The following TMEM273 variants were observed in gnomAD, a reference collection of about 807,000 sequenced individuals.
TMEM273 encodes the protein transmembrane protein 273.
Under a neutral mutation model 17.9 loss-of-function variants are expected in TMEM273, and 19 were observed. The observed-to-expected ratio is 1.06, with a 90% CI of 0.74 to 1.55. The LOEUF (loss-of-function observed/expected upper bound fraction) is 1.55, where lower values mean the gene tolerates loss of function less well. TMEM273 is among the 40% of genes most tolerant of loss of function. TMEM273 has a pLI of 0.00. For synonymous variants in TMEM273, 66 were observed against 62.0 expected (o/e 1.07, Z -0.31); for missense variants, 194 against 155.6 (o/e 1.25, Z -1.31).
At chr10:49,157,120 G>A (rs572040012) in intron 6 of TMEM273, among the ~76,000 whole-genome samples, 97 of 152,344 alleles carry the variant, frequency 6.4e-4, no homozygotes, top group African/African-American at 2.3e-3. Flanking sequence ...AGCCAGGTTT[G>A]CACTTGAGAT....
chr10:49,157,573 G>A (rs1472944049), intron 6 of TMEM273, among the ~76,000 whole-genome samples: 1 of 152,160 alleles, frequency 6.6e-6, no homozygotes, highest in Admixed American at 6.5e-5. Flanking sequence ...TAGCCCCAGG[G>A]TTCATCTGGT....
At chr10:49,165,872 T>C in intron 3 of TMEM273, 76 bp from the exon 4 acceptor site, 2 of 1,583,324 alleles carry the variant, frequency 1.3e-6, no homozygotes, top group African/African-American at 2.7e-5. Flanking sequence ...AGCTTTCACC[T>C]CCCTCTCCTT....
intron 1 of TMEM273, among the ~76,000 whole-genome samples, chr10:49,172,066 C>T (rs572333981): frequency 7.2e-5 from 11 of 152,304 alleles, no homozygotes; most frequent in African/African-American, 2.6e-4. Flanking sequence ...CAATGATGCC[C>T]GGCCATAGTC....
chr10:49,158,676 C>T (rs1845660427), intron 6 of TMEM273, among the ~76,000 whole-genome samples: 1 of 152,094 alleles, frequency 6.6e-6, no homozygotes, highest in South Asian at 2.1e-4. Context: ...AGAATAAAGC[C>T]TAGAAATACC....
intron 1 of TMEM273, among the ~76,000 whole-genome samples, chr10:49,186,090 G>GAAGAAGAAGAAGAAT: frequency 6.7e-6 from 1 of 149,060 alleles, no homozygotes; most frequent in East Asian, 2.0e-4. Context: ...AGAAGAAGAA[G>GAAGAAGAAGAAGAAT]AAGAAGAAGA....
rs142128444 is a variant in TMEM273 at position 49,178,844 on chromosome 10, T to C, written c.43+9450A>G. On this transcript the variant is annotated intron_variant, in intron 1 of 6. Coordinates refer to ENST00000374153, the MANE Select transcript of TMEM273 (RefSeq NM_001288740.3). ...TTGGAGCCTGACTTACTTATTTTCA[T>C]GTGCCAGTAGACCTTGGTGAAAATC... Among the ~76,000 whole-genome samples the C allele has an allele frequency of 5.3e-5, 8 of 152,324 alleles. No homozygotes were observed. The East Asian group carries it at 1.2e-3, about 22-fold the overall frequency.
intron 1 of TMEM273, among the ~76,000 whole-genome samples, chr10:49,176,947 G>C (rs1412369677): frequency 6.6e-6 from 1 of 152,164 alleles, no homozygotes; most frequent in East Asian, 1.9e-4. Flanking sequence ...CAAGCCCCAC[G>C]CATGGTCCAG....
chr10:49,184,175 C>G (rs751122620), intron 1 of TMEM273, among the ~76,000 whole-genome samples: 1 of 151,972 alleles, frequency 6.6e-6, no homozygotes, highest in African/African-American at 2.4e-5. Flanking sequence ...TTCTTTAGGC[C>G]GTAAATAAAA....
intron 5 of TMEM273, among the ~76,000 whole-genome samples, chr10:49,164,917 C>T (rs1449853173): frequency 6.6e-6 from 1 of 152,156 alleles, no homozygotes; most frequent in African/African-American, 2.4e-5. Flanking sequence ...TCCTACTTCT[C>T]TCTCCTTGAC....
At chr10:49,172,491 G>A (rs1288389722) in intron 1 of TMEM273, among the ~76,000 whole-genome samples, 2 of 152,118 alleles carry the variant, frequency 1.3e-5, no homozygotes, top group South Asian at 2.1e-4. Flanking sequence ...GCAACAAGAG[G>A]CCCCACAGCC....
chr10:49,182,413 A>G (rs1847406845), intron 1 of TMEM273, among the ~76,000 whole-genome samples: 1 of 152,192 alleles, frequency 6.6e-6, no homozygotes. Flanking sequence ...TAAGGGAGAA[A>G]AAAAAAGACT....
At chr10:49,178,264 C>T (rs1275415047) in intron 1 of TMEM273, 1 of 457,384 alleles carries the variant, frequency 2.2e-6, no homozygotes, top group Admixed American at 2.3e-5. Flanking sequence ...GCTGTCCTCT[C>T]TTCTTAGGAT....
intron 1 of TMEM273, among the ~76,000 whole-genome samples, chr10:49,177,999 C>A (rs1037046949): frequency 1.6e-4 from 25 of 152,158 alleles, no homozygotes; most frequent in Non-Finnish European, 3.7e-4. Context: ...TGGCCTGGGA[C>A]AAATCCAGCC....
chr10:49,170,287 G>T (rs1359340862), intron 1 of TMEM273, among the ~76,000 whole-genome samples: 1 of 152,118 alleles, frequency 6.6e-6, no homozygotes, highest in Admixed American at 6.5e-5. Flanking sequence ...CCTGGCCTTG[G>T]TTTCTCCAAC....
intron 5 of TMEM273, among the ~76,000 whole-genome samples, chr10:49,163,975 T>G (rs1473827984): frequency 1.3e-5 from 2 of 152,108 alleles, no homozygotes; most frequent in Non-Finnish European, 2.9e-5. Flanking sequence ...ATCCGCTCCT[T>G]CAATAGACAC....
intron 1 of TMEM273, among the ~76,000 whole-genome samples, 197 bp from the exon 2 acceptor site, chr10:49,168,159 T>C (rs541802879): frequency 5.3e-5 from 8 of 152,116 alleles, no homozygotes; most frequent in Non-Finnish European, 1.0e-4. Context: ...GGAACGCGTC[T>C]CCACCCAATG....
chr10:49,167,987 C>A, intron 1 of TMEM273, 25 bp from the exon 2 acceptor site: 2 of 1,613,842 alleles, frequency 1.2e-6, no homozygotes, highest in Middle Eastern at 1.6e-4. Context: ...ACCCCAGAGC[C>A]TGGTTAGAAC....
intron 1 of TMEM273, among the ~76,000 whole-genome samples, chr10:49,169,841 C>T (rs907509984): frequency 2.6e-5 from 4 of 152,242 alleles, no homozygotes; most frequent in African/African-American, 7.2e-5. Context: ...CAACTCAGAG[C>T]TGTGTGTGCT....
At chr10:49,187,551 C>T (rs557923570) in intron 1 of TMEM273, among the ~76,000 whole-genome samples, 2 of 152,232 alleles carry the variant, frequency 1.3e-5, no homozygotes, top group East Asian at 3.9e-4. Flanking sequence ...GAGGGGACTT[C>T]GTAAAGGCAT....
Sources: gnomAD v4.1 joint callset for allele counts (sites outside exome capture counted in the v4.1 genomes callset) on GRCh38, gnomAD v4.1.1 for gene constraint, MANE v1.5 for transcripts, NCBI Gene and HGNC (gene_info 2026-07-23, HGNC 2026-07-21) for gene names.